The following GOLGA8M variants were observed in gnomAD, a reference collection of about 807,000 sequenced individuals.
The protein encoded by GOLGA8M is golgin A8 family member M, also known as golgin subfamily A member 8M.
GOLGA8M carries 34 observed loss-of-function variants against 87.7 expected under a neutral mutation model. The observed-to-expected ratio is 0.39, with a 90% confidence interval of 0.29 to 0.52. The LOEUF (loss-of-function observed/expected upper bound fraction) is 0.52, where lower values mean the gene tolerates loss of function less well. Ranked by LOEUF, GOLGA8M falls within the 20% of genes least tolerant of loss-of-function variation. The pLI, the probability that GOLGA8M is intolerant of heterozygous loss-of-function variation, is 0.80. For missense variants in GOLGA8M, 396 were observed against 682.2 expected (o/e 0.58, Z 4.67); for synonymous variants, 138 against 250.2 (o/e 0.55, Z 4.23).
At position 28,702,640 on chromosome 15, in the gene GOLGA8M, C is replaced by G. The variant is rs768038279; in HGVS notation, c.1469+5G>C. 5.6e-6 allele frequency: 9 copies of G among 1,609,990 alleles called. No homozygotes were observed. Among genetic ancestry groups the G allele is most frequent in the Non-Finnish European group, 7.6e-6 (9 of 1,179,992 alleles). On this transcript the variant is annotated splice_donor_5th_base_variant and intron_variant, in intron 16 of 18. Coordinates refer to ENST00000563027, the MANE Select transcript of GOLGA8M (RefSeq NM_001282468.3). Reference sequence around the variant, plus strand: ...CCCCCTGCCGTGCCCTGGCCTCCCACTCACTGATGGCATCTCTCTTGCCAG... The same window carrying G: ...CCCCCTGCCGTGCCCTGGCCTCCCAGTCACTGATGGCATCTCTCTTGCCAG...
Position 28,701,618 on chromosome 15 carries a change from A to G in GOLGA8M, c.*336T>C, listed in dbSNP as rs570694852. 2.2e-4 allele frequency among the ~76,000 whole-genome samples: 33 copies of G among 152,058 alleles called. No individual in the cohort carries two copies. The East Asian group carries it at 6.4e-3, about 29-fold the overall frequency. On this transcript the variant is annotated 3_prime_UTR_variant, in exon 19 of 19. Coordinates refer to ENST00000563027, the MANE Select transcript of GOLGA8M (RefSeq NM_001282468.3). ...TTAAAAAAGCATGGCAGCCTATTCC[A>G]AACCAGCGAGAACAGTTTTGGGCAA...
At chr15:28,707,413 A>G (rs906858142) in intron 8 of GOLGA8M, among the ~76,000 whole-genome samples, 6 of 144,744 alleles carry the variant, frequency 4.1e-5, no homozygotes, top group Non-Finnish European at 8.9e-5. Flanking sequence ...TTCTACAGAA[A>G]TGGTAACATA....
intron 13 of GOLGA8M, among the ~76,000 whole-genome samples, chr15:28,704,158 G>A (rs1173528101): frequency 1.3e-5 from 2 of 148,566 alleles, no homozygotes; most frequent in East Asian, 5.5e-4. Flanking sequence ...ACCTGCTGCT[G>A]ATAGGTGGCC....
rs2079980634 is a variant in GOLGA8M at position 28,705,238 on chromosome 15, A to G, written c.1132-11T>C. 3.8e-6 allele frequency: 6 copies of G among 1,596,756 alleles called. No individual in the cohort carries two copies. Among genetic ancestry groups the G allele is most frequent in the Non-Finnish European group, 5.1e-6 (6 of 1,179,442 alleles). Reference sequence around the variant, plus strand: ...CTTGTTCTCATTGTTCTGGACAGAGAGAAGCAATCAGCAGCCACCCACTGC... The same window carrying G: ...CTTGTTCTCATTGTTCTGGACAGAGGGAAGCAATCAGCAGCCACCCACTGC... On this transcript the variant is annotated splice_polypyrimidine_tract_variant and intron_variant, in intron 12 of 18. Transcript: ENST00000563027.
At chr15:28,712,537 C>A (rs1207729385), upstream of GOLGA8M, among the ~76,000 whole-genome samples, 8 of 151,010 alleles carry the variant, frequency 5.3e-5, no homozygotes, top group Admixed American at 1.3e-4. Flanking sequence ...CGTGGCCAGA[C>A]AGCAGCGTGT....
chr15:28,702,183 C>T (rs1233664029), intron 18 of GOLGA8M, 31 bp downstream of exon 18: 2 of 1,587,702 alleles, frequency 1.3e-6, no homozygotes, highest in Non-Finnish European at 8.5e-7. Flanking sequence ...CCTCTTCCTG[C>T]CTGCCCACAC....
In GOLGA8M at chr15:28,700,946, T is replaced by A. The variant is rs987062472; in HGVS notation, c.*1008A>T. ...TGAACTCATAAAGGATTTCTTATGATCTTCACTAAATACATTAAGAAGAAT... is the reference window on the plus strand; with the variant it reads ...TGAACTCATAAAGGATTTCTTATGAACTTCACTAAATACATTAAGAAGAAT... On this transcript the variant is annotated 3_prime_UTR_variant, in exon 19 of 19. Coordinates refer to ENST00000563027, the MANE Select transcript of GOLGA8M (RefSeq NM_001282468.3). Among the ~76,000 whole-genome samples the A allele has an allele frequency of 1.3e-5, 2 of 152,140 alleles. No individual in the cohort carries two copies. Among genetic ancestry groups the A allele is most frequent in the African/African-American group, 4.8e-5 (2 of 41,414 alleles).
intron 13 of GOLGA8M, 168 bp downstream of exon 13, chr15:28,704,991 C>T (rs1258714774): frequency 9.2e-7 from 1 of 1,088,746 alleles, no homozygotes. Context: ...GGCTACCCAC[C>T]TTTAAAAGTC....
chr15:28,699,084 CTT>C lies in GOLGA8M; in HGVS notation c.*2868_*2869del, dbSNP rs1396250310. ...ATAGTTATATTATTTTAAAACAACTCTTTAAAGTTTTAGAGAAACTATATTAT... is the reference window on the plus strand; with the variant it reads ...ATAGTTATATTATTTTAAAACAACTCTAAAGTTTTAGAGAAACTATATTAT... On this transcript the variant is annotated 3_prime_UTR_variant, in exon 19 of 19. Transcript: ENST00000563027. 6.6e-6 allele frequency among the ~76,000 whole-genome samples: 1 copy of C among 150,380 alleles called. No homozygotes were observed. Among genetic ancestry groups the C allele is most frequent in the Admixed American group, 6.8e-5 (1 of 14,728 alleles).
At chr15:28,705,034 G>C (rs1459403945) in intron 13 of GOLGA8M, 125 bp downstream of exon 13, 14 of 1,476,486 alleles carry the variant, frequency 9.5e-6, no homozygotes, top group South Asian at 4.8e-5. Flanking sequence ...GACTGCCCTG[G>C]GGGGTGCTGT....
Position 28,703,913 on chromosome 15 carries a change from T to A in GOLGA8M, c.1205A>T (p.His402Leu). The change falls in exon 14 of 19, where the codon CAC becomes CTC. Residue 402 changes from histidine (H) to leucine (L), a missense_variant. This residue lies in a region of GOLGA8M where 44 missense variants were observed against 46.7 expected (regional missense o/e 0.94). Transcript: ENST00000563027. Reference protein sequence around the residue: ...KELQEKLGEEHLEAASQQNQQ... With the variant: ...KELQEKLGEELLEAASQQNQQ... ...GTTCTGCTGGCTGGCAGCTTCCAGGTGCTCCTAAGGGGCCAGGAAAGAGTG... is the reference window on the plus strand; with the variant it reads ...GTTCTGCTGGCTGGCAGCTTCCAGGAGCTCCTAAGGGGCCAGGAAAGAGTG... 1 of 1,581,066 alleles carries A rather than the reference T, an allele frequency of 6.3e-7. No homozygotes were observed. Among genetic ancestry groups the A allele is most frequent in the South Asian group, 1.1e-5 (1 of 89,542 alleles).
rs572193916 is a variant in GOLGA8M at position 28,702,585 on chromosome 15, C to T, written c.1470-23G>A. On this transcript the variant is annotated intron_variant, in intron 16 of 18. Transcript: ENST00000563027. ...TTCCTGCGGGAGGACGGGGCTCAGA[C>T]GCTGGGGCCCCTCCGACGGTCCTGC... 2.2e-4 allele frequency: 359 copies of T among 1,608,922 alleles called. 1 individual carries two copies. The highest frequency in any genetic ancestry group is 1.9e-3 in the Middle Eastern group (11 of 5,856).
In GOLGA8M at chr15:28,701,734, A is replaced by C. The variant is rs1379049726; in HGVS notation, c.*220T>G. ...CCTACAATTATGAAATTAAAAAAGA[A>C]AAATGCTAAAGGATGCCAGAGTGAA... On this transcript the variant is annotated 3_prime_UTR_variant, in exon 19 of 19. Transcript: ENST00000563027. 6.6e-6 allele frequency among the ~76,000 whole-genome samples: 1 copy of C among 152,034 alleles called. No homozygotes were observed. Among genetic ancestry groups the C allele is most frequent in the African/African-American group, 2.4e-5 (1 of 41,360 alleles).
rs763316137 is a variant in GOLGA8M, at chr15:28,708,286, G to C, written c.348+89C>G. 3.1e-6 allele frequency: 5 copies of C among 1,611,718 alleles called. No individual in the cohort carries two copies. In the South Asian group the frequency reaches 5.5e-5, roughly 18 times the overall value. The stretch of plus-strand genomic sequence containing the variant: ...CAGGACAGGCCCACCCATGGGACCA[G>C]GTTATCGGGGCCCTGTGGGGATGGG... On this transcript the variant is annotated intron_variant, in intron 5 of 18. Transcript: ENST00000563027.
chr15:28,706,718 G>A lies in GOLGA8M; in HGVS notation c.592-19C>T, dbSNP rs2080042591. 1 of 1,452,250 alleles carries A rather than the reference G, an allele frequency of 6.9e-7. No homozygotes were observed. Among genetic ancestry groups the A allele is most frequent in the Non-Finnish European group, 9.4e-7 (1 of 1,058,494 alleles). 90.0% of individuals were successfully genotyped at this position (1,452,250 alleles called of 1,614,324 possible). A position where few individuals can be genotyped will look rare whatever the true frequency, so the allele number is the denominator to read the frequency against. On this transcript the variant is annotated intron_variant, in intron 8 of 18. Transcript: ENST00000563027. ...TGGACAACTGGATGGCAAAGAGTGA[G>A]AAGTTTCAATCTGGAGAGCCTGGGC...
upstream of GOLGA8M, among the ~76,000 whole-genome samples, chr15:28,712,711 A>ATG (rs1472431085): frequency 6.6e-6 from 1 of 152,164 alleles, no homozygotes; most frequent in Non-Finnish European, 1.5e-5. Context: ...CTTTATATAT[A>ATG]TGTGTGTCCG....
At position 28,702,269 on chromosome 15, in the gene GOLGA8M, C is replaced by T. The variant is rs2079812875; in HGVS notation, c.1668G>A (p.Glu556=). 6.4e-7 allele frequency: 1 copy of T among 1,564,566 alleles called. No homozygotes were observed. The highest frequency in any genetic ancestry group is 8.6e-7 in the Non-Finnish European group (1 of 1,165,808). ...GGGGAGCTGGGGCTCCTGGACCGGG[C>T]TCATCAGCAGAGTTGTGGGCAGCGG... ...FLAAAHNSAD[E]PGPGAPAPQE... The change falls in exon 18 of 19, where the codon GAG becomes GAA. Residue 556 remains glutamate (E), a synonymous_variant. Coordinates refer to ENST00000563027, the MANE Select transcript of GOLGA8M (RefSeq NM_001282468.3).
rs1008200641 is a variant in GOLGA8M, at chr15:28,701,257, C to T, written c.*697G>A. ...ATAATACACCGCTAATTCCTGGCAC[C>T]GGAACAGATGAAACACACTCTATCC... On this transcript the variant is annotated 3_prime_UTR_variant, in exon 19 of 19. Coordinates refer to ENST00000563027, the MANE Select transcript of GOLGA8M (RefSeq NM_001282468.3). Among the ~76,000 whole-genome samples the T allele has an allele frequency of 1.6e-4, 25 of 151,728 alleles. No homozygotes were observed. The highest frequency in any genetic ancestry group is 3.1e-4 in the Non-Finnish European group (21 of 68,016).
Position 28,702,709 on chromosome 15 carries a change from G to C in GOLGA8M, c.1405C>G (p.Leu469Val). Residue 469 changes from leucine to valine, a missense_variant, in exon 16 of 19, where the codon CTG becomes GTG. By Grantham distance (32) the Leu-to-Val change is conservative. Around this residue, in one of 12 missense-constraint regions of GOLGA8M, gnomAD observed 173 missense variants for 150.2 expected, o/e 1.15. Transcript: ENST00000563027. ...FMDHLEEKAD[L>V]SELVKKQELR... Reference sequence around the variant, plus strand: ...TCTTGTTTCTTCACAAGCTCACTCAGGTCTGCCTTCTCCTCCAGGTGGTCC... The same window carrying C: ...TCTTGTTTCTTCACAAGCTCACTCACGTCTGCCTTCTCCTCCAGGTGGTCC... 6.2e-7 allele frequency: 1 copy of C among 1,603,036 alleles called. No individual in the cohort carries two copies. Among genetic ancestry groups the C allele is most frequent in the South Asian group, 1.1e-5 (1 of 90,902 alleles).
Sources: allele counts gnomAD v4.1 joint callset (sites outside exome capture counted in the v4.1 genomes callset), GRCh38; gene constraint gnomAD v4.1.1; regional missense constraint gnomAD v4.1.1; transcripts MANE v1.5; gene names NCBI Gene and HGNC (gene_info 2026-07-23, HGNC 2026-07-21).